ADARB2: variants seen among roughly 807,000 people sequenced by gnomAD.
ADARB2 encodes the protein adenosine deaminase RNA specific B2 (inactive).
A neutral mutation model predicts 62.2 loss-of-function variants in ADARB2; 25 were observed. The observed-to-expected ratio is 0.40, with a 90% CI of 0.29 to 0.56. ADARB2 has a LOEUF of 0.56. Ranked by LOEUF, ADARB2 falls within the 20% of genes least tolerant of loss-of-function variation. The pLI, the probability that ADARB2 is intolerant of heterozygous loss-of-function variation, is 0.43. For synonymous variants in ADARB2, 572 were observed against 500.8 expected (o/e 1.14, Z -1.90); for missense variants, 1,071 against 1,077.4 (o/e 0.99, Z 0.08).
intron 3 of ADARB2, 83 bp downstream of exon 3, chr10:1,362,945 C>T (rs886623486): frequency 8.3e-6 from 10 of 1,206,056 alleles, no homozygotes; most frequent in Non-Finnish European, 1.0e-5. Flanking sequence ...GAAGCCTGGA[C>T]GCCACTCCCA....
intron 1 of ADARB2, among the ~76,000 whole-genome samples, chr10:1,496,158 A>G (rs1831688113): frequency 6.7e-6 from 1 of 149,748 alleles, no homozygotes; most frequent in African/African-American, 2.5e-5. Context: ...ATCATTATTA[A>G]CATAATCATC....
chr10:1,557,508 T>G (rs1484199481), intron 1 of ADARB2, among the ~76,000 whole-genome samples: 1 of 152,178 alleles, frequency 6.6e-6, no homozygotes, highest in Non-Finnish European at 1.5e-5. Context: ...ATAATTCTGT[T>G]TTCCCAGGCA....
At chr10:1,708,722 C>T (rs1471245146) in intron 1 of ADARB2, among the ~76,000 whole-genome samples, 1 of 152,158 alleles carries the variant, frequency 6.6e-6, no homozygotes, top group Non-Finnish European at 1.5e-5. Flanking sequence ...GTAGCATCTC[C>T]CTCCTGGGGT....
intron 3 of ADARB2, among the ~76,000 whole-genome samples, chr10:1,275,218 T>C (rs1831303834): frequency 6.6e-6 from 1 of 152,216 alleles, no homozygotes; most frequent in Non-Finnish European, 1.5e-5. Flanking sequence ...AGATGCCAGG[T>C]GGAGAGTGAT....
At chr10:1,411,776 G>C (rs188839802) in intron 1 of ADARB2, among the ~76,000 whole-genome samples, 1 of 152,170 alleles carries the variant, frequency 6.6e-6, no homozygotes, top group Non-Finnish European at 1.5e-5. Context: ...GGTCGTAGAC[G>C]CAAGTGCCTG....
chr10:1,695,715 CATGT>C (rs762427763), intron 1 of ADARB2, among the ~76,000 whole-genome samples: 52 of 152,088 alleles, frequency 3.4e-4, no homozygotes, highest in South Asian at 8.3e-4. Flanking sequence ...TGCAAACATA[CATGT>C]ATGTGAGACC....
chr10:1,529,869 T>G (rs956726862), intron 1 of ADARB2, among the ~76,000 whole-genome samples: 2 of 151,694 alleles, frequency 1.3e-5, no homozygotes, highest in Non-Finnish European at 2.9e-5. Flanking sequence ...CCCCTGTGAC[T>G]GCGGGCACAC....
At chr10:1,220,465 G>A (rs74117976) in intron 6 of ADARB2, among the ~76,000 whole-genome samples, 39,601 of 151,834 alleles carry the variant, frequency 0.26, 5,526 homozygotes, top group African/African-American at 0.33. Context: ...AAAATAGTTC[G>A]TATGACTCAA....
chr10:1,383,759 C>T (rs777206038), intron 1 of ADARB2, among the ~76,000 whole-genome samples: 19 of 152,194 alleles, frequency 1.2e-4, no homozygotes, highest in Admixed American at 5.2e-4. Context: ...CGGATGTGCC[C>T]AGGACTATCT....
intron 1 of ADARB2, among the ~76,000 whole-genome samples, chr10:1,571,295 T>A (rs545192082): frequency 1.3e-3 from 201 of 150,932 alleles, no homozygotes; most frequent in African/African-American, 4.1e-3. Context: ...CTTTTTTTTT[T>A]TTAAAAAAAG....
At chr10:1,240,179 T>C (rs71491354) in intron 5 of ADARB2, among the ~76,000 whole-genome samples, 45 of 10,530 alleles carry the variant, frequency 4.3e-3, no homozygotes, top group Non-Finnish European at 6.0e-3. Context: ...TTTACTCCCC[T>C]CTGCCTCCCG....
intron 1 of ADARB2, among the ~76,000 whole-genome samples, chr10:1,732,223 GTA>G (rs1835242696): frequency 6.7e-6 from 1 of 149,240 alleles, no homozygotes; most frequent in Non-Finnish European, 1.5e-5. Context: ...TATATAATAT[GTA>G]TGTGTGTATA....
intron 2 of ADARB2, among the ~76,000 whole-genome samples, chr10:1,364,243 C>G (rs1383810173): frequency 6.6e-6 from 1 of 152,244 alleles, no homozygotes. Context: ...TGTCAAAGGT[C>G]AGAGAGGCCT....
intron 1 of ADARB2, among the ~76,000 whole-genome samples, chr10:1,658,130 G>C (rs1324716851): frequency 2.7e-5 from 4 of 148,036 alleles, no homozygotes; most frequent in South Asian, 4.3e-4. Context: ...GTCTGATGCT[G>C]TCTCTCTCTC....
intron 8 of ADARB2, 97 bp downstream of exon 8, chr10:1,199,869 A>T: frequency 1.5e-6 from 2 of 1,298,898 alleles, no homozygotes; most frequent in Non-Finnish European, 2.0e-6. Flanking sequence ...ACTAGCCAAC[A>T]TGGATGAAGT....
At chr10:1,197,551 C>T (rs1259233432) in intron 8 of ADARB2, among the ~76,000 whole-genome samples, 2 of 152,232 alleles carry the variant, frequency 1.3e-5, no homozygotes, top group Non-Finnish European at 2.9e-5. Context: ...GTGCTCTCCT[C>T]TATTTTATCA....
At chr10:1,636,254 C>T (rs540068657) in intron 1 of ADARB2, among the ~76,000 whole-genome samples, 6 of 152,174 alleles carry the variant, frequency 3.9e-5, no homozygotes, top group East Asian at 1.9e-4. Flanking sequence ...CAGTGGCTCA[C>T]GCCTGTAATC....
intron 1 of ADARB2, among the ~76,000 whole-genome samples, chr10:1,634,109 G>A (rs1164022908): frequency 2.0e-5 from 3 of 152,020 alleles, no homozygotes; most frequent in African/African-American, 4.8e-5. Flanking sequence ...TGCCCTCTGC[G>A]CCTGTCCCCA....
intron 1 of ADARB2, among the ~76,000 whole-genome samples, chr10:1,589,430 G>A (rs1833221112): frequency 6.6e-6 from 1 of 151,112 alleles, no homozygotes; most frequent in Non-Finnish European, 1.5e-5. Context: ...GGGCATCCAT[G>A]GTCGGGGTGT....
Sources: allele counts gnomAD v4.1 joint callset (sites outside exome capture counted in the v4.1 genomes callset), GRCh38; gene constraint gnomAD v4.1.1; transcripts MANE v1.5; gene names NCBI Gene and HGNC (gene_info 2026-07-23, HGNC 2026-07-21).